Variants in ENG observed in about 807,000 individuals in gnomAD.
ENG encodes CD105 antigen.
In ENG, 17 loss-of-function variants were observed where a neutral mutation model predicts 71.0. That is an observed-to-expected ratio of 0.24 (90% confidence interval 0.16 to 0.36). The LOEUF (loss-of-function observed/expected upper bound fraction) is 0.36. Among genes scored for constraint, ENG ranks in the 10% least tolerant of loss-of-function variants. The pLI, the probability that ENG is intolerant of heterozygous loss-of-function variation, is 1.00. For synonymous variants in ENG, 360 were observed against 366.9 expected, an observed-to-expected ratio of 0.98 and a Z score of 0.21; for missense variants, 749 against 868.3, an observed-to-expected ratio of 0.86 and a Z score of 1.73.
chr9:127,815,663 C>A lies in ENG; in HGVS notation c.*19G>T. ...CGGCTGCTCAGTCTCTCCTGCTGGGCGAGCGCGGGGGGCCGGGGCTATGCC... is the reference window on the plus strand; with the variant it reads ...CGGCTGCTCAGTCTCTCCTGCTGGGAGAGCGCGGGGGGCCGGGGCTATGCC... On this transcript the variant is annotated 3_prime_UTR_variant, in exon 15 of 15. Coordinates refer to ENST00000373203, the MANE Select transcript of ENG (RefSeq NM_001114753.3). The A allele has an allele frequency of 6.5e-7, 1 of 1,549,512 alleles. No individual in the cohort carries two copies. The highest frequency in any genetic ancestry group is 8.7e-7 in the Non-Finnish European group (1 of 1,154,510).
intron 1 of ENG, 35 bp downstream of exon 1, chr9:127,854,254 C>T: frequency 1.9e-6 from 3 of 1,559,054 alleles, no homozygotes; most frequent in Non-Finnish European, 1.7e-6. Flanking sequence ...GCACCGGAGG[C>T]CGAGTCTCCC....
chr9:127,815,555 G>A lies in ENG; in HGVS notation c.*127C>T. On this transcript the variant is annotated 3_prime_UTR_variant, in exon 15 of 15. Coordinates refer to ENST00000373203, the MANE Select transcript of ENG (RefSeq NM_001114753.3). ...AGGCCTCTGAGAGGGAGGCGGGAAGGGTAGGCGCGGAGAGCAGGCTCCATT... is the reference window on the plus strand; with the variant it reads ...AGGCCTCTGAGAGGGAGGCGGGAAGAGTAGGCGCGGAGAGCAGGCTCCATT... 2 of 1,450,264 alleles carry A rather than the reference G, an allele frequency of 1.4e-6. No homozygotes were observed. Among genetic ancestry groups the A allele is most frequent in the Non-Finnish European group, 1.8e-6 (2 of 1,101,100 alleles). 89.8% of individuals were successfully genotyped at this position (1,450,264 alleles called of 1,614,324 possible).
chr9:127,825,420 G>C, intron 5 of ENG, 63 bp from the exon 6 acceptor site: 3 of 1,599,400 alleles, frequency 1.9e-6, no homozygotes, highest in Non-Finnish European at 2.5e-6. Context: ...AGCGAGGCCT[G>C]GCGTCGGGTG....
At position 127,853,080 on chromosome 9, in the gene ENG, C is replaced by T. The variant is rs780853948; in HGVS notation, c.67+1209G>A. ...GCCATCTTGCAGGGTCGTTGTGAGC[C>T]GCATTAAGAGGGTTCGCCCTATCAC... is the stretch of plus-strand genomic sequence containing the variant. On this transcript the variant is annotated intron_variant, in intron 1 of 14. Transcript: ENST00000373203. 5.3e-5 allele frequency among the ~76,000 whole-genome samples: 8 copies of T among 152,066 alleles called. No individual in the cohort carries two copies. In the East Asian group the frequency reaches 7.7e-4, roughly 15 times the overall value.
At chr9:127,853,820 G>A (rs41421744) in intron 1 of ENG, among the ~76,000 whole-genome samples, 6,317 of 152,282 alleles carry the variant, frequency 0.041, 231 homozygotes, top group African/African-American at 0.097. Context: ...TCCCCACTTC[G>A]CTCAGAGGCC....
chr9:127,818,403 G>T (rs768009256), intron 11 of ENG, 26 bp from the exon 12 acceptor site: 2 of 1,610,932 alleles, frequency 1.2e-6, no homozygotes, highest in East Asian at 2.2e-5. Flanking sequence ...GGGCCACGCG[G>T]CATGGGCAGC....
intron 8 of ENG, among the ~76,000 whole-genome samples, chr9:127,823,143 A>G (rs1428396796): frequency 6.6e-6 from 1 of 151,132 alleles, no homozygotes; most frequent in East Asian, 2.0e-4. Flanking sequence ...CCTGGCCAGC[A>G]TGTGTTCTTT....
chr9:127,843,033 C>A, intron 2 of ENG, 61 bp downstream of exon 2: 1 of 1,611,206 alleles, frequency 6.2e-7, no homozygotes. Context: ...AGGCACCCCT[C>A]ACCCCATCTG....
chr9:127,820,396 T>C (rs915567236), intron 8 of ENG, among the ~76,000 whole-genome samples: 1 of 151,608 alleles, frequency 6.6e-6, no homozygotes, highest in African/African-American at 2.4e-5. Context: ...GGTTTCACCA[T>C]GTTGGCCAGG....
chr9:127,837,426 C>T (rs931322466), intron 2 of ENG, among the ~76,000 whole-genome samples: 1 of 152,072 alleles, frequency 6.6e-6, no homozygotes, highest in Non-Finnish European at 1.5e-5. Context: ...GAGAGATATG[C>T]TTCTTCCTCA....
chr9:127,826,616 T>G lies in ENG; in HGVS notation c.417A>C (p.Pro139=), dbSNP rs748286907. The change falls in exon 4 of 15, where the codon CCA becomes CCC. Residue 139 remains proline (P), a synonymous_variant. Coordinates refer to ENST00000373203, the MANE Select transcript of ENG (RefSeq NM_001114753.3). ...CAAGGATCTGGGTCTTGGGGAAGGA[T>G]GGCAGCTCTGTGGTGTTGACCCCCG... ...EPPGVNTTEL[P]SFPKTQILEW... 5 of 1,614,002 alleles carry G rather than the reference T, an allele frequency of 3.1e-6. No individual in the cohort carries two copies. The highest frequency in any genetic ancestry group is 3.4e-6 in the Non-Finnish European group (4 of 1,179,990).
intron 11 of ENG, 150 bp downstream of exon 11, chr9:127,818,566 G>T: frequency 7.3e-7 from 1 of 1,364,806 alleles, no homozygotes; most frequent in Non-Finnish European, 1.0e-6. Flanking sequence ...CCTGAGCAAT[G>T]CCTTCTCTGT....
chr9:127,823,549 C>T (rs966448739), intron 8 of ENG, among the ~76,000 whole-genome samples: 3 of 151,478 alleles, frequency 2.0e-5, no homozygotes, highest in East Asian at 1.9e-4. Flanking sequence ...CCACCACACC[C>T]GGTTAATTTT....
Position 127,836,985 on chromosome 9 carries a change from G to A in ENG, c.219+6109C>T, listed in dbSNP as rs1030718292. Among the ~76,000 whole-genome samples, 1 of 151,992 alleles carries A rather than the reference G, an allele frequency of 6.6e-6. No individual in the cohort carries two copies. The highest frequency in any genetic ancestry group is 2.4e-5 in the African/African-American group (1 of 41,370). ...GTATTTTTAGTAGAGACGGGGTTTC[G>A]CCCATGTCGGCCAGGCTGGTCTCGA... On this transcript the variant is annotated intron_variant, in intron 2 of 14. Transcript: ENST00000373203. The surrounding 1 kb of genome is among the most constrained non-coding windows in gnomAD (Gnocchi z 4.0).
chr9:127,818,364 G>A lies in ENG; in HGVS notation c.1442C>T (p.Pro481Leu). ...CTGGAGCAGGAACTCGGAGACGGAT[G>A]GGGACACTCTGACCTGCATGGGTAG... ...QQSFVQVRVS[P>L]SVSEFLLQLD... Residue 481 changes from proline (P) to leucine (L), a missense_variant, in exon 12 of 15, where the codon CCA becomes CTA. Pro to Leu is a moderately conservative substitution (Grantham distance 98). Coordinates refer to ENST00000373203, the MANE Select transcript of ENG (RefSeq NM_001114753.3). 6.2e-7 allele frequency: 1 copy of A among 1,613,686 alleles called. No individual in the cohort carries two copies. Among genetic ancestry groups the A allele is most frequent in the Non-Finnish European group, 8.5e-7 (1 of 1,180,032 alleles).
chr9:127,824,336 T>C lies in ENG; in HGVS notation c.1102A>G (p.Met368Val). 6.2e-7 allele frequency: 1 copy of C among 1,614,014 alleles called. No homozygotes were observed. Among genetic ancestry groups the C allele is most frequent in the Non-Finnish European group, 8.5e-7 (1 of 1,180,000 alleles). Reference sequence around the variant, plus strand: ...AGCTCTTTCTTTAGTACCAGGGTCATGGCGTCGTCGGCACACTTTGTCTGG... The same window carrying C: ...AGCTCTTTCTTTAGTACCAGGGTCACGGCGTCGTCGGCACACTTTGTCTGG... Reference protein sequence around the residue: ...LIQTKCADDAMTLVLKKELVA... With the variant: ...LIQTKCADDAVTLVLKKELVA... The change falls in exon 8 of 15, where the codon ATG (methionine) becomes GTG (valine). Residue 368 changes from methionine to valine, a missense_variant. By Grantham distance (21) the Met-to-Val change is conservative. Coordinates refer to ENST00000373203, the MANE Select transcript of ENG (RefSeq NM_001114753.3).
In ENG at chr9:127,846,680, G is replaced by C. The variant is rs575357890; in HGVS notation, c.68-3435C>G. 9.8e-5 allele frequency among the ~76,000 whole-genome samples: 15 copies of C among 152,290 alleles called. No homozygotes were observed. In the East Asian group the frequency reaches 2.9e-3, roughly 29 times the overall value. ...CGCCCCCACCCCGCAGACGAGAATG[G>C]GGAGACAGGAGGGAGTGTGACGCCT... On this transcript the variant is annotated intron_variant, in intron 1 of 14. Transcript: ENST00000373203. The surrounding 1 kb of genome is among the most constrained non-coding windows in gnomAD (Gnocchi z 5.5).
intron 2 of ENG, among the ~76,000 whole-genome samples, chr9:127,839,392 G>T (rs561688503): frequency 1.3e-5 from 2 of 152,246 alleles, no homozygotes; most frequent in African/African-American, 4.8e-5. Flanking sequence ...AAACCACAGG[G>T]TCCTCAGTGG....
At chr9:127,822,943 C>T (rs1468815990) in intron 8 of ENG, among the ~76,000 whole-genome samples, 1 of 152,052 alleles carries the variant, frequency 6.6e-6, no homozygotes, top group Admixed American at 6.6e-5. Flanking sequence ...CGGGTTCAAG[C>T]GATTCTCCTG....
Sources: allele counts gnomAD v4.1 joint callset (sites outside exome capture counted in the v4.1 genomes callset), GRCh38; gene constraint gnomAD v4.1.1; non-coding constraint Gnocchi (gnomAD v3.1); transcripts MANE v1.5; gene names NCBI Gene and HGNC (gene_info 2026-07-23, HGNC 2026-07-21).